The following ARHGAP44 variants were observed in gnomAD, a reference collection of about 807,000 sequenced individuals.
ARHGAP44 encodes the protein rho GTPase-activating protein 44.
A neutral mutation model predicts 106.8 loss-of-function variants in ARHGAP44; 43 were observed. That is an observed-to-expected ratio of 0.40 (90% CI 0.32 to 0.52). The LOEUF (loss-of-function observed/expected upper bound fraction) is 0.52, where lower values mean the gene tolerates loss of function less well. Among genes scored for constraint, ARHGAP44 ranks in the 20% least tolerant of loss-of-function variants. The pLI is 0.48. For missense variants in ARHGAP44, 866 were observed against 1,050.5 expected (o/e 0.82, Z 2.43); for synonymous variants, 439 against 410.3 (o/e 1.07, Z -0.85).
chr17:12,980,358 C>A, intron 19 of ARHGAP44, 125 bp downstream of exon 19: 1 of 1,050,674 alleles, frequency 9.5e-7, no homozygotes, highest in South Asian at 1.8e-5. Flanking sequence ...TAATTCCCAT[C>A]TGGACATTAG....
chr17:12,820,329 T>G (rs1317602675), intron 1 of ARHGAP44, among the ~76,000 whole-genome samples: 1 of 152,144 alleles, frequency 6.6e-6, no homozygotes, highest in Non-Finnish European at 1.5e-5. Flanking sequence ...ATATTTTAAA[T>G]GTTTTAAATA....
chr17:12,951,890 T>A (rs901532139), intron 12 of ARHGAP44, among the ~76,000 whole-genome samples: 2 of 152,198 alleles, frequency 1.3e-5, no homozygotes. Context: ...CTCCCAAGGC[T>A]ATTGGGTTGA....
chr17:12,965,611 TA>T (rs1308374175), intron 16 of ARHGAP44, among the ~76,000 whole-genome samples: 1 of 152,240 alleles, frequency 6.6e-6, no homozygotes, highest in East Asian at 1.9e-4. Flanking sequence ...CTCTGATGTC[TA>T]ATAAGTTCCT....
intron 1 of ARHGAP44, among the ~76,000 whole-genome samples, chr17:12,879,228 G>T (rs1024006264): frequency 6.6e-6 from 1 of 152,146 alleles, no homozygotes; most frequent in Non-Finnish European, 1.5e-5. Context: ...ACGATGTTTG[G>T]TTTTCCATTC....
chr17:12,964,847 C>G (rs2039352229), intron 16 of ARHGAP44, among the ~76,000 whole-genome samples: 1 of 152,138 alleles, frequency 6.6e-6, no homozygotes, highest in African/African-American at 2.4e-5. Flanking sequence ...TCACGTCCCT[C>G]CCTTCCAGAT....
At chr17:12,925,289 C>T (rs2150961716) in intron 6 of ARHGAP44, among the ~76,000 whole-genome samples, 1 of 152,252 alleles carries the variant, frequency 6.6e-6, no homozygotes, top group Admixed American at 6.5e-5. Context: ...ATGGCACAGG[C>T]TTGACTTGGA....
chr17:12,978,036 CAAAAAAA>C lies in ARHGAP44; in HGVS notation c.1764-2008_1764-2002del, dbSNP rs1157325814. ...TGGGCAACAGAGCAAGACTCCATCT[CAAAAAAA>C]AAAAAAAAAAAAAGTGTGTTTCGTG... On this transcript the variant is annotated intron_variant, in intron 18 of 20. Transcript: ENST00000379672. Among the ~76,000 whole-genome samples the C allele has an allele frequency of 9.4e-3, 840 of 89,350 alleles. 24 individuals carry two copies. Among genetic ancestry groups the C allele is most frequent in the African/African-American group, 0.038 (795 of 21,072 alleles). The allele number at this position is 89,350 out of a possible 152,430, so 58.6% of individuals were successfully genotyped here. A position where few individuals can be genotyped will look rare whatever the true frequency, so the allele number is the denominator to read the frequency against.
Position 12,896,474 on chromosome 17 carries a change from T to C in ARHGAP44, c.161T>C (p.Leu54Pro). The change falls in exon 3 of 21, where the codon CTG (leucine) becomes CCG (proline). Residue 54 changes from leucine (L) to proline (P), a missense_variant. Leu to Pro is a moderately conservative substitution (Grantham distance 98). Around this residue, in one of 2 missense-constraint regions of ARHGAP44, gnomAD observed 448 missense variants for 646.9 expected, o/e 0.69. Transcript: ENST00000379672. ...HSTHKKLTACLQGQQGAEADK... is the reference protein window; with the variant it reads ...HSTHKKLTACPQGQQGAEADK... ...ACGCACAAGAAGCTCACCGCATGTC[T>C]GCAGGGCCAGCAAGGGGCAGAGGCT... is the stretch of plus-strand genomic sequence containing the variant. 1 of 1,609,262 alleles carries C rather than the reference T, an allele frequency of 6.2e-7. No individual in the cohort carries two copies. Among genetic ancestry groups the C allele is most frequent in the South Asian group, 1.1e-5 (1 of 89,656 alleles).
At chr17:12,880,952 G>A (rs2036719359) in intron 1 of ARHGAP44, among the ~76,000 whole-genome samples, 1 of 152,058 alleles carries the variant, frequency 6.6e-6, no homozygotes, top group Admixed American at 6.6e-5. Context: ...AAATGGTAAT[G>A]CTTTGTGGTT....
chr17:12,836,375 C>T (rs928908216), intron 1 of ARHGAP44, among the ~76,000 whole-genome samples: 2 of 152,094 alleles, frequency 1.3e-5, no homozygotes, highest in East Asian at 1.9e-4. Context: ...TGGCTGCATG[C>T]GGTGGCTCAT....
chr17:12,835,275 A>G (rs1393900707), intron 1 of ARHGAP44, among the ~76,000 whole-genome samples: 2 of 152,192 alleles, frequency 1.3e-5, no homozygotes, highest in Admixed American at 1.3e-4. Flanking sequence ...GAGGCTTGCC[A>G]ACACCCTCAA....
chr17:12,919,530 C>T (rs3826376), intron 5 of ARHGAP44, among the ~76,000 whole-genome samples: 33,113 of 151,824 alleles, frequency 0.22, 6,197 homozygotes, highest in African/African-American at 0.5. Context: ...GAATTACAGG[C>T]GCATGCCACC....
At chr17:12,865,650 G>A (rs2036217576) in intron 1 of ARHGAP44, among the ~76,000 whole-genome samples, 2 of 152,012 alleles carry the variant, frequency 1.3e-5, no homozygotes, top group East Asian at 1.9e-4. Flanking sequence ...TTAGCTGGGC[G>A]TGGTGGCGGG....
intron 20 of ARHGAP44, among the ~76,000 whole-genome samples, chr17:12,989,101 C>CAAAAAAAAAA (rs71144942): frequency 1.8e-4 from 8 of 45,160 alleles, no homozygotes; most frequent in Admixed American, 7.2e-4. Flanking sequence ...CCACCCCCCC[C>CAAAAAAAAAA]AAAAAAAAAA....
chr17:12,860,856 C>CTTT (rs71144929), intron 1 of ARHGAP44, among the ~76,000 whole-genome samples: 44 of 135,832 alleles, frequency 3.2e-4, no homozygotes, highest in African/African-American at 9.9e-4. Flanking sequence ...TTTTTCTATT[C>CTTT]TTTTTTTTTT....
chr17:12,852,008 A>G (rs2035758312), intron 1 of ARHGAP44, among the ~76,000 whole-genome samples: 1 of 151,210 alleles, frequency 6.6e-6, no homozygotes, highest in African/African-American at 2.4e-5. Context: ...TGAAGGGTTT[A>G]GGAATGAATT....
chr17:12,930,216 T>C (rs1455208580), intron 7 of ARHGAP44, among the ~76,000 whole-genome samples: 1 of 152,134 alleles, frequency 6.6e-6, no homozygotes, highest in Non-Finnish European at 1.5e-5. Flanking sequence ...GTGTTTTCTT[T>C]TTTTATTCTT....
chr17:12,797,332 A>G (rs1193385688), intron 1 of ARHGAP44, among the ~76,000 whole-genome samples: 1 of 152,202 alleles, frequency 6.6e-6, no homozygotes, highest in Non-Finnish European at 1.5e-5. Flanking sequence ...TAGGTATAAT[A>G]CTTACGCTTT....
At chr17:12,795,565 T>C (rs534714157) in intron 1 of ARHGAP44, among the ~76,000 whole-genome samples, 1 of 152,216 alleles carries the variant, frequency 6.6e-6, no homozygotes, top group African/African-American at 2.4e-5. Context: ...GACCATTTTT[T>C]TTTTCTCTAG....
Sources: gnomAD v4.1 joint callset for allele counts (sites outside exome capture counted in the v4.1 genomes callset) on GRCh38, gnomAD v4.1.1 for gene constraint, gnomAD v4.1.1 regional missense constraint, MANE v1.5 for transcripts, NCBI Gene and HGNC (gene_info 2026-07-23, HGNC 2026-07-21) for gene names.